ETV6: variants seen among roughly 807,000 people sequenced by gnomAD.
ETV6 encodes the protein ETS variant transcription factor 6.
A neutral mutation model predicts 51.1 loss-of-function variants in ETV6; 16 were observed. The ratio of observed to expected loss-of-function variants is 0.31; its 90% CI spans 0.21 to 0.48. The LOEUF (loss-of-function observed/expected upper bound fraction) is 0.48. ETV6 is among the 20% of genes least tolerant of loss of function. ETV6 has a pLI of 0.99. For synonymous variants in ETV6, 240 were observed against 224.1 expected, an observed-to-expected ratio of 1.07 and a Z score of -0.64; for missense variants, 458 against 594.8, an observed-to-expected ratio of 0.77 and a Z score of 2.39.
At chr12:11,734,169 T>G (rs946095552) in intron 1 of ETV6, among the ~76,000 whole-genome samples, 7 of 152,208 alleles carry the variant, frequency 4.6e-5, no homozygotes, top group African/African-American at 1.7e-4. Flanking sequence ...AAAAAACAGT[T>G]TGCAGAGGCA....
intron 2 of ETV6, among the ~76,000 whole-genome samples, chr12:11,760,339 A>T (rs150476032): frequency 4.3e-4 from 65 of 152,320 alleles, no homozygotes; most frequent in African/African-American, 1.5e-3. Context: ...AATGCAGATG[A>T]TGGGTACGGA....
intron 2 of ETV6, among the ~76,000 whole-genome samples, chr12:11,800,979 T>A (rs983806138): frequency 1.3e-5 from 2 of 152,200 alleles, no homozygotes; most frequent in Admixed American, 6.5e-5. Context: ...CTTTTCTAGA[T>A]AATACTAGGT....
chr12:11,786,048 A>G (rs956609692), intron 2 of ETV6, among the ~76,000 whole-genome samples: 8 of 152,184 alleles, frequency 5.3e-5, no homozygotes, highest in African/African-American at 1.9e-4. Flanking sequence ...GAGGAAGGGA[A>G]GATTTGGAGG....
At position 11,716,330 on chromosome 12, in the gene ETV6, CAAAAAAAAAAAAAA is replaced by C. The variant is rs3049068; in HGVS notation, c.34-36103_34-36090del. On this transcript the variant is annotated intron_variant, in intron 1 of 7. Transcript: ENST00000396373. ...TGGGCGACAGAGCAAGACTCCTTCT[CAAAAAAAAAAAAAA>C]AAAAAAAAAAAAAAAAGATCATTCG... 2.8e-4 allele frequency among the ~76,000 whole-genome samples: 16 copies of C among 58,122 alleles called. No homozygotes were observed. The South Asian group carries it at 3.7e-3, about 13-fold the overall frequency. The allele number at this position is 58,122 out of a possible 152,430, so 38.1% of individuals were successfully genotyped here.
intron 3 of ETV6, chr12:11,840,942 G>C (rs1413750461): frequency 6.1e-6 from 1 of 163,284 alleles, no homozygotes; most frequent in African/African-American, 2.4e-5. Flanking sequence ...TATACTCAAA[G>C]AGGCAACGTT....
Position 11,869,862 on chromosome 12 carries a change from G to A in ETV6, c.902G>A (p.Gly301Glu), listed in dbSNP as rs1946854086. 1.9e-6 allele frequency: 3 copies of A among 1,613,170 alleles called. No individual in the cohort carries two copies. The highest frequency in any genetic ancestry group is 1.1e-5 in the South Asian group (1 of 91,082). ...RLSEDGLHRE[G>E]KPINLSHRED... ...TCCGAGGACGGGCTGCATAGGGAAG[G>A]GAAGCCCATCAACCTCTCTCATCGG... The change falls in exon 5 of 8, where the codon GGG becomes GAG. Residue 301 changes from glycine (G) to glutamate (E), a missense_variant. By Grantham distance (98) the Gly-to-Glu change is moderately conservative. Transcript: ENST00000396373. This position sits in a 1 kb window ranked among gnomAD's most constrained non-coding sequence, Gnocchi z 5.0.
At chr12:11,707,146 G>A (rs1008916419) in intron 1 of ETV6, among the ~76,000 whole-genome samples, 4 of 152,260 alleles carry the variant, frequency 2.6e-5, no homozygotes, top group Middle Eastern at 3.4e-3. Context: ...AAACAAGAGC[G>A]CTCAATTGCA....
rs1335514731 is a variant in ETV6, at chr12:11,893,093, G to GTCTT, written c.*2049_*2052dup. ...TGCTGGATCTCAGCACGCTGCAGGT[G>GTCTT]TCTTTTGAGAGCATTCAGTAGGACA... is the stretch of plus-strand genomic sequence containing the variant. On this transcript the variant is annotated 3_prime_UTR_variant, in exon 8 of 8. Coordinates refer to ENST00000396373, the MANE Select transcript of ETV6 (RefSeq NM_001987.5). 5 of 232,760 alleles carry GTCTT rather than the reference G, an allele frequency of 2.1e-5. No homozygotes were observed. Among genetic ancestry groups the GTCTT allele is most frequent in the Non-Finnish European group, 3.4e-5 (4 of 117,826 alleles). The allele number at this position is 232,760 out of a possible 1,614,324, so 14.4% of individuals were successfully genotyped here. A position where few individuals can be genotyped will look rare whatever the true frequency, so the allele number is the denominator to read the frequency against.
chr12:11,893,961 A>G lies in ETV6; in HGVS notation c.*2915A>G, dbSNP rs1456636940. On this transcript the variant is annotated 3_prime_UTR_variant, in exon 8 of 8. Coordinates refer to ENST00000396373, the MANE Select transcript of ETV6 (RefSeq NM_001987.5). Reference sequence around the variant, plus strand: ...TAAGGGATATCAATCTGTACTACCAATAAGGATTTCGTAATTCCCCTAACT... The same window carrying G: ...TAAGGGATATCAATCTGTACTACCAGTAAGGATTTCGTAATTCCCCTAACT... 9.1e-6 allele frequency: 2 copies of G among 219,314 alleles called. No homozygotes were observed. 13.6% of individuals were successfully genotyped at this position (219,314 alleles called of 1,614,324 possible).
intron 2 of ETV6, among the ~76,000 whole-genome samples, chr12:11,802,436 A>G (rs920094936): frequency 6.6e-6 from 1 of 152,242 alleles, no homozygotes; most frequent in East Asian, 1.9e-4. Context: ...GGTTCTTCAT[A>G]CATCATTTTA....
At chr12:11,865,513 G>A (rs1285454982) in intron 4 of ETV6, among the ~76,000 whole-genome samples, 1 of 150,468 alleles carries the variant, frequency 6.6e-6, no homozygotes, top group Non-Finnish European at 1.5e-5. Flanking sequence ...CTTCTTGTGT[G>A]TGTGTTTGAG....
At chr12:11,812,002 A>G (rs1945920666) in intron 2 of ETV6, among the ~76,000 whole-genome samples, 2 of 152,362 alleles carry the variant, frequency 1.3e-5, no homozygotes, top group Middle Eastern at 3.4e-3. Flanking sequence ...TCGCTTTGCA[A>G]TCAGACACAT....
chr12:11,768,165 T>A (rs1244443233), intron 2 of ETV6, among the ~76,000 whole-genome samples: 1 of 152,150 alleles, frequency 6.6e-6, no homozygotes, highest in Non-Finnish European at 1.5e-5. Flanking sequence ...GTTTTAGGAC[T>A]GCTGCATTAT....
rs1448020465 is a variant in ETV6, at chr12:11,869,312, G to T, written c.464-112G>T. On this transcript the variant is annotated intron_variant, in intron 4 of 7. Transcript: ENST00000396373. The surrounding 1 kb of genome is among the most constrained non-coding windows in gnomAD (Gnocchi z 5.0). Reference sequence around the variant, plus strand: ...AAGACACTGCATTCTGGGGAGAAAGGTCCTTTACACATACCTACACGCTCC... The same window carrying T: ...AAGACACTGCATTCTGGGGAGAAAGTTCCTTTACACATACCTACACGCTCC... 2 of 882,740 alleles carry T rather than the reference G, an allele frequency of 2.3e-6. No homozygotes were observed. The highest frequency in any genetic ancestry group is 3.5e-6 in the Non-Finnish European group (2 of 569,718). 54.7% of individuals were successfully genotyped at this position (882,740 alleles called of 1,614,324 possible).
intron 7 of ETV6, among the ~76,000 whole-genome samples, chr12:11,890,247 A>G (rs1367288743): frequency 6.6e-6 from 1 of 150,544 alleles, no homozygotes; most frequent in African/African-American, 2.4e-5. Context: ...TTTGAATACC[A>G]TTTCCTGGGC....
intron 2 of ETV6, among the ~76,000 whole-genome samples, chr12:11,838,772 C>G (rs893459036): frequency 1.3e-5 from 2 of 152,210 alleles, no homozygotes; most frequent in Non-Finnish European, 2.9e-5. Context: ...TGTGGGCACC[C>G]TGGAACAGCC....
rs73288746 is a variant in ETV6 at position 11,708,787 on chromosome 12, G to C, written c.34-43663G>C. On this transcript the variant is annotated intron_variant, in intron 1 of 7. Coordinates refer to ENST00000396373, the MANE Select transcript of ETV6 (RefSeq NM_001987.5). ...GGTTTATTTTTGTTATTCCTACCCC[G>C]ACTCATCTTGCTTTTCAGCCATCAA... is the stretch of plus-strand genomic sequence containing the variant. Among the ~76,000 whole-genome samples the C allele has an allele frequency of 9.4e-3, 1,431 of 152,142 alleles. 20 individuals are homozygous for C. Among genetic ancestry groups the C allele is most frequent in the African/African-American group, 0.031 (1,306 of 41,492 alleles).
At chr12:11,760,005 A>T (rs978045119) in intron 2 of ETV6, among the ~76,000 whole-genome samples, 2 of 152,172 alleles carry the variant, frequency 1.3e-5, no homozygotes, top group Non-Finnish European at 2.9e-5. Context: ...CGACGTTTAG[A>T]TGTTGCTGCT....
At chr12:11,651,579 G>A (rs1013154398) in intron 1 of ETV6, among the ~76,000 whole-genome samples, 8 of 152,080 alleles carry the variant, frequency 5.3e-5, no homozygotes, top group African/African-American at 1.2e-4. Flanking sequence ...TATGTCTGTG[G>A]GCATGGGGCG....
Sources: gnomAD v4.1 joint callset for allele counts (sites outside exome capture counted in the v4.1 genomes callset) on GRCh38, gnomAD v4.1.1 for gene constraint, Gnocchi (gnomAD v3.1) non-coding constraint, MANE v1.5 for transcripts, NCBI Gene and HGNC (gene_info 2026-07-23, HGNC 2026-07-21) for gene names.